FHAD1: variants seen among roughly 807,000 people sequenced by gnomAD.
FHAD1 encodes forkhead associated phosphopeptide binding domain 1.
In FHAD1, 146 loss-of-function variants were observed where a neutral mutation model predicts 191.3. That is an observed-to-expected ratio of 0.76 (90% CI 0.67 to 0.88). The LOEUF is 0.88. FHAD1 is among the 40% of genes least tolerant of loss of function. The probability of loss-of-function intolerance (pLI) is 0.00; values close to 1 mark genes in which losing one functional copy is unlikely to be tolerated. For missense variants in FHAD1, 1,635 were observed against 1,785.8 expected (o/e 0.92, Z 1.52); for synonymous variants, 616 against 672.3 (o/e 0.92, Z 1.29).
rs144066822 is a variant in FHAD1, at chr1:15,252,116, ATC to A, written c.93+241_93+242del. Among the ~76,000 whole-genome samples, 730 of 152,344 alleles carry A rather than the reference ATC, an allele frequency of 4.8e-3. 9 individuals carry two copies. The highest frequency in any genetic ancestry group is 0.017 in the African/African-American group (690 of 41,572). On this transcript the variant is annotated intron_variant, in intron 2 of 33. Transcript: ENST00000688493. ...TGCGCTCCCATCCTTTGCTGAACGC[ATC>A]TGTCACTGTCCCACCCATTGCAGAG...
At chr1:15,363,573 C>T (rs1030547847) in intron 23 of FHAD1, among the ~76,000 whole-genome samples, 2 of 152,012 alleles carry the variant, frequency 1.3e-5, no homozygotes, top group Non-Finnish European at 2.9e-5. Flanking sequence ...CTAGTTTTCC[C>T]GAGGATCAGC....
chr1:15,313,018 C>G lies in FHAD1; in HGVS notation c.1040-39C>G, dbSNP rs774488009. On this transcript the variant is annotated intron_variant, in intron 7 of 33. Coordinates refer to ENST00000688493, the MANE Select transcript of FHAD1 (RefSeq NM_001391957.1). The stretch of plus-strand genomic sequence containing the variant: ...CAGCGGCAGCGATGACAGTCATCCT[C>G]ACTGCCTCTTTGACCTCTGCGAGTC... The G allele has an allele frequency of 3.9e-6, 6 of 1,548,920 alleles. No homozygotes were observed. In the African/African-American group the frequency reaches 8.2e-5, roughly 21 times the overall value.
chr1:15,293,710 T>C (rs1026518800), intron 4 of FHAD1, among the ~76,000 whole-genome samples: 4 of 152,206 alleles, frequency 2.6e-5, no homozygotes, highest in Non-Finnish European at 2.9e-5. Context: ...CAGAGCAAGA[T>C]TCTACCTCAA....
At chr1:15,315,259 G>C (rs963730413) in intron 8 of FHAD1, 3 of 152,104 alleles carry the variant, frequency 2.0e-5, no homozygotes, top group Admixed American at 2.0e-4. Flanking sequence ...GTCAGTACTT[G>C]AGTGCATATT....
intron 23 of FHAD1, chr1:15,363,856 T>C (rs546136756): frequency 4.4e-6 from 2 of 452,306 alleles, no homozygotes; most frequent in Non-Finnish European, 8.8e-6. Context: ...TGGGATGCAG[T>C]GGAGGGATTC....
Position 15,329,101 on chromosome 1 carries a change from C to T in FHAD1, c.1711-245C>T, listed in dbSNP as rs534234236. ...CCAAACTGTTGATGGTACTTTGGCT[C>T]TGGGGTTTCATAGACCTAAAAGGGG... On this transcript the variant is annotated intron_variant, in intron 13 of 33. Transcript: ENST00000688493. This position sits in a 1 kb window ranked among gnomAD's most constrained non-coding sequence, Gnocchi z 5.0. 3 of 348,048 alleles carry T rather than the reference C, an allele frequency of 8.6e-6. No homozygotes were observed. The East Asian group carries it at 1.3e-4, about 15-fold the overall frequency. The allele number at this position is 348,048 out of a possible 1,614,324, so 21.6% of individuals were successfully genotyped here.
rs886246557 is a variant in FHAD1 at position 15,345,065 on chromosome 1, A to G, written c.2131-18A>G. 27 of 1,540,888 alleles carry G rather than the reference A, an allele frequency of 1.8e-5. No individual in the cohort carries two copies. Among genetic ancestry groups the G allele is most frequent in the Admixed American group, 1.6e-4 (8 of 50,966 alleles). ...CCATGGTAACCATGTCTGTTAAACA[A>G]TGGTCATTGGTTTCCAGGCTTTGGA... On this transcript the variant is annotated intron_variant, in intron 16 of 33. Transcript: ENST00000688493.
At chr1:15,317,623 A>G (rs778064428) in intron 9 of FHAD1, among the ~76,000 whole-genome samples, 1 of 152,238 alleles carries the variant, frequency 6.6e-6, no homozygotes, top group African/African-American at 2.4e-5. Context: ...AACTTTTAAT[A>G]TATCAGTCGA....
intron 23 of FHAD1, among the ~76,000 whole-genome samples, chr1:15,365,457 G>A (rs912079466): frequency 6.9e-6 from 1 of 145,008 alleles, no homozygotes; most frequent in African/African-American, 2.7e-5. Context: ...TGGGACAACA[G>A]CCACACACCA....
upstream of FHAD1, among the ~76,000 whole-genome samples, chr1:15,243,725 C>G (rs1188357667): frequency 6.6e-6 from 1 of 152,244 alleles, no homozygotes; most frequent in Non-Finnish European, 1.5e-5. Context: ...TGGGCTTATG[C>G]CCCCTTCACT....
At chr1:15,346,831 G>T (rs1245339734) in intron 18 of FHAD1, among the ~76,000 whole-genome samples, 1 of 152,188 alleles carries the variant, frequency 6.6e-6, no homozygotes, top group Non-Finnish European at 1.5e-5. Flanking sequence ...ACCTACCGCT[G>T]CCTCCCTTCT....
At chr1:15,259,283 T>A (rs920733247) in intron 2 of FHAD1, among the ~76,000 whole-genome samples, 2 of 152,216 alleles carry the variant, frequency 1.3e-5, no homozygotes, top group African/African-American at 4.8e-5. Context: ...ATATGCCGTG[T>A]ATGTGTTACA....
rs1171852699 is a variant in FHAD1, at chr1:15,378,282, C to CA, written c.3706-2409dup. 1.2e-3 allele frequency among the ~76,000 whole-genome samples: 172 copies of CA among 145,958 alleles called. 1 individual carries two copies. The highest frequency in any genetic ancestry group is 3.5e-3 in the Middle Eastern group (1 of 286). The stretch of plus-strand genomic sequence containing the variant: ...CCTGGGCGAAAGAGTGAAACTCCGT[C>CA]AAAAAAAAAAGAAAAGAAGAGAAAG... On this transcript the variant is annotated intron_variant, in intron 28 of 33. Coordinates refer to ENST00000688493, the MANE Select transcript of FHAD1 (RefSeq NM_001391957.1).
intron 16 of FHAD1, among the ~76,000 whole-genome samples, chr1:15,342,285 A>G (rs1687026450): frequency 6.6e-6 from 1 of 152,206 alleles, no homozygotes; most frequent in African/African-American, 2.4e-5. Flanking sequence ...CGGGGGAAAC[A>G]AATGGTCAAA....
At position 15,388,047 on chromosome 1, in the gene FHAD1, T is replaced by G. The variant is rs757373837; in HGVS notation, c.4189-4T>G. Reference sequence around the variant, plus strand: ...CTCTTGCTAACCTGATACTTTTCACTCAGGAAAGTGTAGAGGAGCACGAAC... The same window carrying G: ...CTCTTGCTAACCTGATACTTTTCACGCAGGAAAGTGTAGAGGAGCACGAAC... On this transcript the variant is annotated splice_polypyrimidine_tract_variant and splice_region_variant and intron_variant, in intron 31 of 33. Transcript: ENST00000688493. The G allele has an allele frequency of 1.2e-5, 16 of 1,288,230 alleles. No homozygotes were observed. The African/African-American group carries it at 2.4e-4, about 20-fold the overall frequency. 79.8% of individuals were successfully genotyped at this position (1,288,230 alleles called of 1,614,324 possible). A position where few individuals can be genotyped will look rare whatever the true frequency, so the allele number is the denominator to read the frequency against.
rs927151024 is a variant in FHAD1, at chr1:15,344,771, T to G, written c.2131-312T>G. Among the ~76,000 whole-genome samples the G allele has an allele frequency of 3.9e-5, 6 of 152,244 alleles. 1 individual carries two copies. Among genetic ancestry groups the G allele is most frequent in the African/African-American group, 1.4e-4 (6 of 41,466 alleles). On this transcript the variant is annotated intron_variant, in intron 16 of 33. Transcript: ENST00000688493. ...TATCACTGTGCCAAGCATTTCGTGTTCATCGTCGCATCCACCCCTCACATC... is the reference window on the plus strand; with the variant it reads ...TATCACTGTGCCAAGCATTTCGTGTGCATCGTCGCATCCACCCCTCACATC...
chr1:15,365,468 C>T (rs1431608357), intron 23 of FHAD1, among the ~76,000 whole-genome samples: 1 of 138,948 alleles, frequency 7.2e-6, no homozygotes, highest in Admixed American at 7.1e-5. Context: ...CCACACACCA[C>T]TATGCCTGGC....
At chr1:15,323,798 T>C (rs1221556060) in intron 10 of FHAD1, among the ~76,000 whole-genome samples, 3 of 152,032 alleles carry the variant, frequency 2.0e-5, no homozygotes, top group Non-Finnish European at 4.4e-5. Context: ...AATGGGCAAG[T>C]TTCCCCACTT....
chr1:15,309,328 C>G (rs369464661), intron 7 of FHAD1, among the ~76,000 whole-genome samples: 137 of 152,350 alleles, frequency 9.0e-4, no homozygotes, highest in African/African-American at 3.3e-3. Flanking sequence ...GGAGCAGCTG[C>G]TAGATGCCAG....
Sources: allele counts gnomAD v4.1 joint callset (sites outside exome capture counted in the v4.1 genomes callset), GRCh38; gene constraint gnomAD v4.1.1; non-coding constraint Gnocchi (gnomAD v3.1); transcripts MANE v1.5; gene names NCBI Gene and HGNC (gene_info 2026-07-23, HGNC 2026-07-21).